ELAC2: variants seen among roughly 807,000 people sequenced by gnomAD.
ELAC2 encodes the protein zinc phosphodiesterase ELAC protein 2.
ELAC2 carries 92 observed loss-of-function variants against 105.2 expected under a neutral mutation model. The observed-to-expected ratio is 0.87, with a 90% CI of 0.74 to 1.04. The LOEUF is 1.04. ELAC2 is among the 50% of genes least tolerant of loss of function. ELAC2 has a pLI of 0.00. For synonymous variants in ELAC2, 468 were observed against 409.1 expected, an observed-to-expected ratio of 1.14 and a Z score of -1.74; for missense variants, 1,099 against 1,071.7, an observed-to-expected ratio of 1.03 and a Z score of -0.36.
At chr17:13,012,900 G>A (rs1353430575) in intron 6 of ELAC2, among the ~76,000 whole-genome samples, 1 of 151,980 alleles carries the variant, frequency 6.6e-6, no homozygotes, top group African/African-American at 2.4e-5. Context: ...ATCAAAAGAG[G>A]GTATTACGCC....
At position 13,008,243 on chromosome 17, in the gene ELAC2, G is replaced by A. The variant is rs187833270; in HGVS notation, c.739-2264C>T. Among the ~76,000 whole-genome samples the A allele has an allele frequency of 2.2e-3, 334 of 151,832 alleles. 4 individuals carry two copies. The highest frequency in any genetic ancestry group is 4.9e-3 in the East Asian group (25 of 5,146). Reference sequence around the variant, plus strand: ...AAGAAACATAAAGGCTGGTCATGATGGCTCACGCCTGTAATCCCAGCACTT... The same window carrying A: ...AAGAAACATAAAGGCTGGTCATGATAGCTCACGCCTGTAATCCCAGCACTT... On this transcript the variant is annotated intron_variant, in intron 8 of 23. Transcript: ENST00000338034.
At chr17:12,999,662 G>C (rs2040662232) in intron 15 of ELAC2, among the ~76,000 whole-genome samples, 1 of 74,604 alleles carries the variant, frequency 1.3e-5, no homozygotes, top group African/African-American at 4.5e-5. Flanking sequence ...CACAGGAATT[G>C]GGATTTTTTT....
At chr17:13,005,584 T>C (rs758259107) in intron 10 of ELAC2, among the ~76,000 whole-genome samples, 169 bp downstream of exon 10, 1 of 152,164 alleles carries the variant, frequency 6.6e-6, no homozygotes, top group African/African-American at 2.4e-5. Flanking sequence ...CGTGTTGACA[T>C]GCGGGACAAA....
intron 14 of ELAC2, among the ~76,000 whole-genome samples, chr17:13,001,066 A>G (rs987300299): frequency 3.3e-5 from 5 of 152,154 alleles, no homozygotes; most frequent in Non-Finnish European, 5.9e-5. Context: ...GAGTCTTGCT[A>G]GTATAGTCTC....
chr17:12,991,688 C>T lies in ELAC2; in HGVS notation c.*1130G>A, dbSNP rs898011546. On this transcript the variant is annotated 3_prime_UTR_variant, in exon 24 of 24. Transcript: ENST00000338034. ...TTTAATAAACCTGCGGGGACATGGC[C>T]GTCAATCTCAAATGCACACCGGGAT... The T allele has an allele frequency of 2.9e-5, 6 of 206,534 alleles. No individual in the cohort carries two copies. Among genetic ancestry groups the T allele is most frequent in the South Asian group, 3.8e-4 (2 of 5,266 alleles). 12.8% of individuals were successfully genotyped at this position (206,534 alleles called of 1,614,324 possible). A position where few individuals can be genotyped will look rare whatever the true frequency, so the allele number is the denominator to read the frequency against.
At chr17:12,996,394 T>C (rs192991578) in intron 17 of ELAC2, 153 bp downstream of exon 17, 18 of 1,092,312 alleles carry the variant, frequency 1.6e-5, no homozygotes, top group East Asian at 9.9e-5. Context: ...AAGGACTATG[T>C]TGAGTTTTGC....
Position 12,992,931 on chromosome 17 carries a change from C to T in ELAC2, c.2368G>A (p.Val790Met). Residue 790 changes from valine to methionine, a missense_variant, in exon 24 of 24, where the codon GTG becomes ATG. By Grantham distance (21) the Val-to-Met change is conservative. Transcript: ENST00000338034. ...TCCCTGGACAGGAGGGCCGCCCGCA[C>T]CTGCCGCAGCTCCCGCTTCTCCCTG... ...ERREKRELRQ[V>M]RAALLSRELA... The T allele has an allele frequency of 6.2e-7, 1 of 1,611,548 alleles. No homozygotes were observed. Among genetic ancestry groups the T allele is most frequent in the Non-Finnish European group, 8.5e-7 (1 of 1,180,024 alleles).
chr17:12,992,938 C>A lies in ELAC2; in HGVS notation c.2361G>T (p.Leu787=), dbSNP rs755369174. The A allele has an allele frequency of 1.2e-6, 2 of 1,611,550 alleles. No homozygotes were observed. The highest frequency in any genetic ancestry group is 2.2e-5 in the South Asian group (2 of 91,088). ...ACAGGAGGGCCGCCCGCACCTGCCG[C>A]AGCTCCCGCTTCTCCCTGCGCTCCT... ...EMEERREKRE[L]RQVRAALLSR... is the part of the protein sequence containing the mutation. The change falls in exon 24 of 24, where the codon CTG becomes CTT. Residue 787 remains leucine (L), a synonymous_variant. Transcript: ENST00000338034.
intron 1 of ELAC2, 21 bp from the exon 2 acceptor site, chr17:13,017,142 A>T (rs2041780313): frequency 1.2e-6 from 2 of 1,610,146 alleles, no homozygotes; most frequent in African/African-American, 2.7e-5. Context: ...AACATTACAC[A>T]AGACATTCAG....
chr17:13,012,386 C>T (rs2041465585), intron 6 of ELAC2, among the ~76,000 whole-genome samples: 2 of 152,288 alleles, frequency 1.3e-5, no homozygotes, highest in South Asian at 2.1e-4. Flanking sequence ...CTGGGGGTGG[C>T]TACAGCAGGG....
intron 14 of ELAC2, 117 bp from the exon 15 acceptor site, chr17:13,000,391 T>G: frequency 1.0e-6 from 1 of 956,728 alleles, no homozygotes; most frequent in Non-Finnish European, 1.7e-6. Context: ...TTCCTTCAGA[T>G]CAACACTGAA....
intron 4 of ELAC2, 54 bp from the exon 5 acceptor site, chr17:13,014,550 C>T (rs1293451383): frequency 7.8e-7 from 1 of 1,283,114 alleles, no homozygotes; most frequent in African/African-American, 1.5e-5. Flanking sequence ...TAGAACACAG[C>T]AACTATTCAA....
chr17:13,015,887 C>T, intron 3 of ELAC2, 55 bp from the exon 4 acceptor site: 2 of 1,352,088 alleles, frequency 1.5e-6, no homozygotes, highest in South Asian at 1.2e-5. Flanking sequence ...TCGTCACTAA[C>T]AGGAGGAGCA....
At chr17:13,017,508 G>A (rs2041811193) in intron 1 of ELAC2, 195 bp downstream of exon 1, 7 of 1,200,828 alleles carry the variant, frequency 5.8e-6, no homozygotes, top group East Asian at 2.6e-5. Context: ...CAGGCCTGAA[G>A]TTCTTCACAG....
chr17:13,006,249 A>C (rs2143629833), intron 8 of ELAC2: 1 of 426,534 alleles, frequency 2.3e-6, no homozygotes, highest in Non-Finnish European at 4.4e-6. Flanking sequence ...ACGTGCCTGT[A>C]ATCCCAGCAA....
chr17:13,002,659 G>A (rs1456936786), intron 12 of ELAC2, 80 bp from the exon 13 acceptor site: 36 of 1,548,076 alleles, frequency 2.3e-5, no homozygotes, highest in Non-Finnish European at 3.1e-5. Context: ...GCTCAGGAGT[G>A]GTAATGAGGA....
At chr17:13,011,890 C>A in intron 6 of ELAC2, 108 bp from the exon 7 acceptor site, 1 of 1,539,808 alleles carries the variant, frequency 6.5e-7, no homozygotes, top group Non-Finnish European at 8.9e-7. Flanking sequence ...AATCAGCACA[C>A]CTTTTACTAT....
At chr17:13,000,104 C>A (rs931724133) in intron 15 of ELAC2, 52 bp downstream of exon 15, 1 of 1,548,244 alleles carries the variant, frequency 6.5e-7, no homozygotes. Context: ...AGGAAAACAG[C>A]AGCAGGGGCA....
Position 12,998,435 on chromosome 17 carries a change from G to A in ELAC2, c.1497C>T (p.Val499=). ...ACCTTATGTTGACAAGTGTGGCACT[G>A]ACATTTCGAATCTTCATCGGGATGG... The part of the protein sequence containing the change: ...GSAIPMKIRN[V]SATLVNISPD... Residue 499 remains valine, a synonymous_variant, in exon 16 of 24, where the codon GTC becomes GTT. Transcript: ENST00000338034. The A allele has an allele frequency of 6.2e-7, 1 of 1,614,178 alleles. No homozygotes were observed. Among genetic ancestry groups the A allele is most frequent in the Non-Finnish European group, 8.5e-7 (1 of 1,180,002 alleles).
Sources: gnomAD v4.1 joint callset for allele counts (sites outside exome capture counted in the v4.1 genomes callset) on GRCh38, gnomAD v4.1.1 for gene constraint, MANE v1.5 for transcripts, NCBI Gene and HGNC (gene_info 2026-07-23, HGNC 2026-07-21) for gene names.